Variants in EBF2 observed in about 807,000 individuals in gnomAD.
The protein encoded by EBF2 is EBF transcription factor 2, also known as transcription factor COE2.
Under a neutral mutation model 72.8 loss-of-function variants are expected in EBF2, and 21 were observed. The ratio of observed to expected loss-of-function variants is 0.29; its 90% CI spans 0.20 to 0.42. The LOEUF is 0.42. Among genes scored for constraint, EBF2 ranks in the 10% least tolerant of loss-of-function variants. EBF2 has a pLI of 1.00. For missense variants in EBF2, 637 were observed against 731.2 expected (o/e 0.87, Z 1.49); for synonymous variants, 299 against 274.2 (o/e 1.09, Z -0.89).
intron 6 of EBF2, among the ~76,000 whole-genome samples, chr8:26,026,623 T>C (rs1160449924): frequency 6.6e-6 from 1 of 152,178 alleles, no homozygotes; most frequent in Non-Finnish European, 1.5e-5. Context: ...TGAATGTGAC[T>C]CACACAATCT....
At chr8:25,992,970 A>G (rs1804569081) in intron 6 of EBF2, among the ~76,000 whole-genome samples, 1 of 152,088 alleles carries the variant, frequency 6.6e-6, no homozygotes, top group Non-Finnish European at 1.5e-5. Flanking sequence ...GTGCTGGTCA[A>G]TGTGTGGAAA....
chr8:25,885,465 G>C (rs1417228611), intron 10 of EBF2, among the ~76,000 whole-genome samples: 4 of 152,110 alleles, frequency 2.6e-5, no homozygotes, highest in Admixed American at 6.6e-5. Context: ...TTTGACTACT[G>C]TATGTACTAC....
chr8:25,981,370 C>T (rs1804358834), intron 6 of EBF2, among the ~76,000 whole-genome samples: 1 of 151,920 alleles, frequency 6.6e-6, no homozygotes, highest in Non-Finnish European at 1.5e-5. Flanking sequence ...TGTTGCAAGG[C>T]AAACTTCCAT....
intron 6 of EBF2, among the ~76,000 whole-genome samples, chr8:25,933,977 T>C (rs770358174): frequency 2.0e-5 from 3 of 152,152 alleles, no homozygotes; most frequent in South Asian, 2.1e-4. Flanking sequence ...AGAAAATACA[T>C]AAATTAATTT....
intron 6 of EBF2, among the ~76,000 whole-genome samples, chr8:26,016,264 C>G (rs1003240064): frequency 3.3e-5 from 5 of 152,238 alleles, no homozygotes. Flanking sequence ...AGTCTACCAA[C>G]TGCACACCAC....
intron 6 of EBF2, among the ~76,000 whole-genome samples, chr8:26,030,992 G>A (rs1016324499): frequency 6.6e-6 from 1 of 152,188 alleles, no homozygotes; most frequent in Non-Finnish European, 1.5e-5. Flanking sequence ...ATCGGTGAAT[G>A]CAGTGAGATG....
At chr8:26,005,898 C>A in intron 6 of EBF2, among the ~76,000 whole-genome samples, 1 of 150,676 alleles carries the variant, frequency 6.6e-6, no homozygotes, top group African/African-American at 2.4e-5. Flanking sequence ...CTTCAAAGCA[C>A]AAATCCTTCC....
At chr8:26,027,209 A>C (rs976658633) in intron 6 of EBF2, among the ~76,000 whole-genome samples, 3 of 152,218 alleles carry the variant, frequency 2.0e-5, no homozygotes, top group African/African-American at 7.2e-5. Flanking sequence ...TCCGTCCCAC[A>C]AATCGCACTT....
intron 10 of EBF2, among the ~76,000 whole-genome samples, chr8:25,867,767 A>AT (rs1395261404): frequency 6.6e-6 from 1 of 152,158 alleles, no homozygotes; most frequent in Non-Finnish European, 1.5e-5. Context: ...TGGTCCATAG[A>AT]TTCCCCCTAC....
At chr8:25,916,060 C>A (rs1377819708) in intron 6 of EBF2, among the ~76,000 whole-genome samples, 1 of 151,966 alleles carries the variant, frequency 6.6e-6, no homozygotes, top group East Asian at 1.9e-4. Flanking sequence ...CCGAGGCAGT[C>A]TGATCACTTG....
intron 4 of EBF2, among the ~76,000 whole-genome samples, 153 bp downstream of exon 4, chr8:26,040,463 C>T (rs1260604818): frequency 6.6e-6 from 1 of 151,884 alleles, no homozygotes; most frequent in Non-Finnish European, 1.5e-5. Flanking sequence ...AAAAATCTTC[C>T]CTAGCAGACA....
At chr8:25,866,621 A>T (rs957409029) in intron 10 of EBF2, among the ~76,000 whole-genome samples, 28 of 97,970 alleles carry the variant, frequency 2.9e-4, no homozygotes, top group South Asian at 7.5e-4. Flanking sequence ...ATATTATATT[A>T]TATATATATA....
rs546831154 is a variant in EBF2 at position 25,932,220 on chromosome 8, T to A, written c.552-23665A>T. Among the ~76,000 whole-genome samples, 10 of 152,288 alleles carry A rather than the reference T, an allele frequency of 6.6e-5. No individual in the cohort carries two copies. The East Asian group carries it at 1.5e-3, about 24-fold the overall frequency. On this transcript the variant is annotated intron_variant, in intron 6 of 15. Transcript: ENST00000520164. Reference sequence around the variant, plus strand: ...TCCTCCATTCTAAGCCTTAGTTTCCTCATTTATAAAAATGAGAGGTTTATG... The same window carrying A: ...TCCTCCATTCTAAGCCTTAGTTTCCACATTTATAAAAATGAGAGGTTTATG...
intron 6 of EBF2, among the ~76,000 whole-genome samples, chr8:25,990,812 A>AC (rs1804530258): frequency 6.6e-6 from 1 of 152,242 alleles, no homozygotes; most frequent in Admixed American, 6.5e-5. Flanking sequence ...CACGTCTTTC[A>AC]GCTCTTCTGT....
At chr8:25,994,538 G>A (rs529212020) in intron 6 of EBF2, among the ~76,000 whole-genome samples, 4 of 152,172 alleles carry the variant, frequency 2.6e-5, no homozygotes, top group Non-Finnish European at 2.9e-5. Context: ...GATCAACTTA[G>A]ATGCCCCAAA....
chr8:25,959,585 C>T (rs1371125787), intron 6 of EBF2, among the ~76,000 whole-genome samples: 1 of 152,192 alleles, frequency 6.6e-6, no homozygotes, highest in Non-Finnish European at 1.5e-5. Flanking sequence ...GACTGATTCT[C>T]ATTTGTTGTT....
chr8:25,908,495 T>G lies in EBF2; in HGVS notation c.612A>C (p.Pro204=). 6.2e-7 allele frequency: 1 copy of G among 1,613,800 alleles called. No individual in the cohort carries two copies. Among genetic ancestry groups the G allele is most frequent in the Non-Finnish European group, 8.5e-7 (1 of 1,179,730 alleles). ...TTACCTGAAACCGTCTCATGTCCCT[T>G]GGGTTTCCTGCTGTTTTCAAACAAT... The part of the protein sequence containing the change: ...NQNCLKTAGN[P]RDMRRFQVVL... The change falls in exon 7 of 16, where the codon CCA becomes CCC. Residue 204 remains proline, a synonymous_variant. Transcript: ENST00000520164.
intron 2 of EBF2, 144 bp downstream of exon 2, chr8:26,041,951 T>C: frequency 7.9e-7 from 1 of 1,263,166 alleles, no homozygotes; most frequent in Non-Finnish European, 1.1e-6. Flanking sequence ...ATCGACTGAT[T>C]TAGAGGCTGG....
intron 10 of EBF2, among the ~76,000 whole-genome samples, chr8:25,874,644 TA>T (rs1201559584): frequency 3.9e-5 from 6 of 152,022 alleles, no homozygotes; most frequent in Admixed American, 3.9e-4. Flanking sequence ...TTTATTTATT[TA>T]TTTTTTTCTT....
Sources: gnomAD v4.1 joint callset for allele counts (sites outside exome capture counted in the v4.1 genomes callset) on GRCh38, gnomAD v4.1.1 for gene constraint, MANE v1.5 for transcripts, NCBI Gene and HGNC (gene_info 2026-07-23, HGNC 2026-07-21) for gene names.